Variants in TMEM135 observed in about 807,000 individuals in gnomAD.
TMEM135 encodes the protein transmembrane protein 135, also known as peroxisomal membrane protein 52.
In TMEM135, 30 loss-of-function variants were observed where a neutral mutation model predicts 60.3. That is an observed-to-expected ratio of 0.50 (90% CI 0.37 to 0.68). TMEM135 has a LOEUF of 0.68. Ranked by LOEUF, TMEM135 falls within the 30% of genes least tolerant of loss-of-function variation. TMEM135 has a pLI of 0.00. For synonymous variants in TMEM135, 190 were observed against 186.7 expected, an observed-to-expected ratio of 1.02 and a Z score of -0.14; for missense variants, 468 against 548.8, an observed-to-expected ratio of 0.85 and a Z score of 1.47.
chr11:87,233,676 C>T (rs1003423101), intron 5 of TMEM135, among the ~76,000 whole-genome samples: 5 of 151,972 alleles, frequency 3.3e-5, no homozygotes, highest in African/African-American at 1.2e-4. Flanking sequence ...ACTACAGTAT[C>T]CTGTAATGTC....
chr11:87,055,486 A>C (rs1949885041), intron 1 of TMEM135, among the ~76,000 whole-genome samples: 1 of 152,266 alleles, frequency 6.6e-6, no homozygotes, highest in African/African-American at 2.4e-5. Context: ...ATTTTCAATT[A>C]CAAATGTTAG....
At chr11:87,186,299 G>A (rs1939652240) in intron 5 of TMEM135, among the ~76,000 whole-genome samples, 1 of 152,156 alleles carries the variant, frequency 6.6e-6, no homozygotes, top group Non-Finnish European at 1.5e-5. Context: ...AACCCTAGTA[G>A]TAGTCTGGTA....
intron 4 of TMEM135, chr11:87,096,076 G>T: frequency 8.5e-6 from 2 of 234,468 alleles, no homozygotes; most frequent in South Asian, 1.3e-4. Flanking sequence ...ACTCCTGCAT[G>T]ACCACTAAAG....
At chr11:87,233,060 A>T (rs977154752) in intron 5 of TMEM135, among the ~76,000 whole-genome samples, 2 of 152,188 alleles carry the variant, frequency 1.3e-5, no homozygotes, top group African/African-American at 4.8e-5. Flanking sequence ...CTGAAGCAGG[A>T]TAATTGCTTG....
intron 6 of TMEM135, among the ~76,000 whole-genome samples, chr11:87,267,598 G>T (rs998869333): frequency 2.0e-5 from 3 of 152,126 alleles, no homozygotes; most frequent in Non-Finnish European, 4.4e-5. Flanking sequence ...TTTCGTGATT[G>T]TTTTTTGTGA....
At chr11:87,200,891 C>T (rs1446619971) in intron 5 of TMEM135, among the ~76,000 whole-genome samples, 1 of 152,058 alleles carries the variant, frequency 6.6e-6, no homozygotes, top group East Asian at 1.9e-4. Context: ...TTCAGGGTGG[C>T]TTCTTTCACT....
At chr11:87,272,624 C>T (rs1941891788) in intron 6 of TMEM135, among the ~76,000 whole-genome samples, 1 of 131,402 alleles carries the variant, frequency 7.6e-6, no homozygotes, top group Non-Finnish European at 1.8e-5. Context: ...CCATGCCTGG[C>T]TAACTTAAAA....
intron 5 of TMEM135, among the ~76,000 whole-genome samples, chr11:87,235,090 G>T (rs976627178): frequency 3.2e-4 from 48 of 152,124 alleles, no homozygotes; most frequent in African/African-American, 1.0e-3. Context: ...TGAGTGTCAT[G>T]ACTGGGTTTT....
intron 4 of TMEM135, among the ~76,000 whole-genome samples, chr11:87,118,853 T>C (rs970903750): frequency 1.3e-5 from 2 of 152,210 alleles, no homozygotes; most frequent in Non-Finnish European, 2.9e-5. Context: ...TTCACACTTC[T>C]GCAATTTCCT....
intron 5 of TMEM135, among the ~76,000 whole-genome samples, chr11:87,182,564 T>C (rs17149794): frequency 0.066 from 9,994 of 152,240 alleles, 351 homozygotes; most frequent in African/African-American, 0.086. Flanking sequence ...GCTTTTCTTC[T>C]TTCACAGTGT....
intron 6 of TMEM135, among the ~76,000 whole-genome samples, chr11:87,262,906 A>C (rs1001517062): frequency 6.6e-6 from 1 of 152,172 alleles, no homozygotes; most frequent in African/African-American, 2.4e-5. Context: ...CTCATTTACC[A>C]AGGCGTTTTT....
At chr11:87,155,670 AGT>A (rs895076922) in intron 4 of TMEM135, among the ~76,000 whole-genome samples, 9 of 152,118 alleles carry the variant, frequency 5.9e-5, no homozygotes, top group African/African-American at 2.2e-4. Flanking sequence ...AGGCTTTTGG[AGT>A]GTGCCAGAGT....
At chr11:87,269,895 T>C (rs1941831448) in intron 6 of TMEM135, among the ~76,000 whole-genome samples, 1 of 130,868 alleles carries the variant, frequency 7.6e-6, no homozygotes, top group Non-Finnish European at 1.7e-5. Flanking sequence ...GTATTTCTAG[T>C]TCTAGATCCC....
chr11:87,172,336 A>G (rs1939259570), intron 5 of TMEM135, among the ~76,000 whole-genome samples: 1 of 152,188 alleles, frequency 6.6e-6, no homozygotes. Context: ...ATAGAAAAGA[A>G]ATTTAAAGTA....
intron 7 of TMEM135, among the ~76,000 whole-genome samples, chr11:87,296,119 C>A (rs946919178): frequency 2.7e-4 from 41 of 152,226 alleles, no homozygotes; most frequent in African/African-American, 9.9e-4. Flanking sequence ...CAGAGCTGCT[C>A]ATGAACAATT....
intron 4 of TMEM135, among the ~76,000 whole-genome samples, chr11:87,102,483 G>A (rs778798803): frequency 6.6e-6 from 1 of 152,060 alleles, no homozygotes; most frequent in East Asian, 1.9e-4. Context: ...ATGTGGGAAT[G>A]TAAAATTGTT....
chr11:87,168,297 T>A (rs1939125530), intron 5 of TMEM135, among the ~76,000 whole-genome samples: 1 of 152,274 alleles, frequency 6.6e-6, no homozygotes, highest in South Asian at 2.1e-4. Context: ...TTTGTATCTC[T>A]ATCTCCTTCA....
chr11:87,211,524 CTT>C (rs1940369769), intron 5 of TMEM135, among the ~76,000 whole-genome samples: 1 of 152,140 alleles, frequency 6.6e-6, no homozygotes, highest in African/African-American at 2.4e-5. Flanking sequence ...AATTTGGTGA[CTT>C]TGGCCCATTC....
At chr11:87,205,490 C>T (rs1940215813) in intron 5 of TMEM135, among the ~76,000 whole-genome samples, 1 of 152,102 alleles carries the variant, frequency 6.6e-6, no homozygotes, top group Non-Finnish European at 1.5e-5. Context: ...TGTATATATT[C>T]TAGAGTCAAA....
Sources: allele counts gnomAD v4.1 joint callset (sites outside exome capture counted in the v4.1 genomes callset), GRCh38; gene constraint gnomAD v4.1.1; transcripts MANE v1.5; gene names NCBI Gene and HGNC (gene_info 2026-07-23, HGNC 2026-07-21).